PLK4: variants seen among roughly 807,000 people sequenced by gnomAD.
The protein encoded by PLK4 is serine/threonine-protein kinase PLK4.
PLK4 carries 51 observed loss-of-function variants against 103.0 expected under a neutral mutation model. The observed-to-expected ratio is 0.50, with a 90% CI of 0.40 to 0.63. The LOEUF (loss-of-function observed/expected upper bound fraction) is 0.63, where lower values mean the gene tolerates loss of function less well. Among genes scored for constraint, PLK4 ranks in the 20% least tolerant of loss-of-function variants. The pLI, the probability that PLK4 is intolerant of heterozygous loss-of-function variation, is 0.00. For synonymous variants in PLK4, 389 were observed against 376.8 expected (o/e 1.03, Z -0.38); for missense variants, 1,054 against 1,151.0 (o/e 0.92, Z 1.22).
At position 127,885,830 on chromosome 4, in the gene PLK4, G is replaced by A; in HGVS notation, c.460G>A (p.Asp154Asn). 2 of 1,614,026 alleles carry A rather than the reference G, an allele frequency of 1.2e-6. No individual in the cohort carries two copies. Among genetic ancestry groups the A allele is most frequent in the Non-Finnish European group, 1.7e-6 (2 of 1,179,982 alleles). Residue 154 changes from aspartate (D) to asparagine (N), a missense_variant, in exon 5 of 16, where the codon GAT becomes AAT. Asp to Asn is a conservative substitution (Grantham distance 23, BLOSUM62 1). Around this residue, in one of 4 missense-constraint regions of PLK4, gnomAD observed 199 missense variants for 270.1 expected, o/e 0.74. Transcript: ENST00000270861. ...LTRNMNIKIA[D>N]FGLATQLKMP... ...TCGTAATATGAACATCAAGATTGCTGATTTTGGGCTGGCAACTCAACTGAA... is the reference window on the plus strand; with the variant it reads ...TCGTAATATGAACATCAAGATTGCTAATTTTGGGCTGGCAACTCAACTGAA...
In PLK4 at chr4:127,885,694, T is replaced by A. The variant is rs1368306536; in HGVS notation, c.338-14T>A. 1 of 1,573,926 alleles carries A rather than the reference T, an allele frequency of 6.4e-7. No individual in the cohort carries two copies. The highest frequency in any genetic ancestry group is 2.2e-5 in the East Asian group (1 of 44,610). On this transcript the variant is annotated splice_polypyrimidine_tract_variant and intron_variant, in intron 4 of 15. Coordinates refer to ENST00000270861, the MANE Select transcript of PLK4 (RefSeq NM_014264.5). ...TTTCTAAATTGTAAATTCTCTTTTT[T>A]AAAATCCTAACAGCTCGACACTTCA...
In PLK4 at chr4:127,883,322, A is replaced by T. The variant is rs1735000211; in HGVS notation, c.187A>T (p.Ile63Leu). 1 of 1,603,490 alleles carries T rather than the reference A, an allele frequency of 6.2e-7. No individual in the cohort carries two copies. The highest frequency in any genetic ancestry group is 8.5e-7 in the Non-Finnish European group (1 of 1,170,512). ...MVQRVQNEVK[I>L]HCQLKHPSIL... ...ACAGAGAGTCCAAAATGAGGTGAAAATACATTGCCAATTGAAACATCCTTC... is the reference window on the plus strand; with the variant it reads ...ACAGAGAGTCCAAAATGAGGTGAAATTACATTGCCAATTGAAACATCCTTC... The change falls in exon 3 of 16, where the codon ATA becomes TTA. Residue 63 changes from isoleucine to leucine, a missense_variant. Ile to Leu is a conservative substitution (Grantham distance 5). This residue lies in a region of PLK4 where 199 missense variants were observed against 270.1 expected (regional missense o/e 0.74). Transcript: ENST00000270861.
At chr4:127,891,830 G>C in intron 9 of PLK4, 149 bp downstream of exon 9, 1 of 388,044 alleles carries the variant, frequency 2.6e-6, no homozygotes, top group Admixed American at 4.3e-5. Flanking sequence ...GGTGAGAGTT[G>C]TATGCCTTTA....
At position 127,889,928 on chromosome 4, in the gene PLK4, C is replaced by T. The variant is rs369019607; in HGVS notation, c.1522C>T (p.Pro508Ser). 10 of 1,613,548 alleles carry T rather than the reference C, an allele frequency of 6.2e-6. No homozygotes were observed. Among genetic ancestry groups the T allele is most frequent in the Admixed American group, 5.0e-5 (3 of 59,956 alleles). ...ISPNRDFQGH[P>S]DLQKDTSKNA... ...CCCAAACCGGGACTTCCAGGGCCAT[C>T]CAGATTTGCAGAAGGACACATCAAA... is the stretch of plus-strand genomic sequence containing the variant. The change falls in exon 7 of 16, where the codon CCA becomes TCA. Residue 508 changes from proline (P) to serine (S), a missense_variant. By Grantham distance (74) the Pro-to-Ser change is moderately conservative. Transcript: ENST00000270861.
intron 7 of PLK4, 134 bp from the exon 8 acceptor site, chr4:127,890,958 G>A (rs1227511075): frequency 5.6e-6 from 3 of 534,204 alleles, no homozygotes. Flanking sequence ...CTGGACTGTT[G>A]TAGTGAAGCA....
rs755229257 is a variant in PLK4 at position 127,885,934 on chromosome 4, T to C, written c.564T>C (p.His188=). Residue 188 remains histidine, a synonymous_variant, in exon 5 of 16, where the codon CAT becomes CAC. Coordinates refer to ENST00000270861, the MANE Select transcript of PLK4 (RefSeq NM_014264.5). ...CAGAAATTGCCACTCGAAGTGCACA[T>C]GGCCTTGAATCTGATGTTTGGTCCC... The part of the protein sequence containing the change: ...ISPEIATRSA[H]GLESDVWSLG... The C allele has an allele frequency of 1.5e-5, 25 of 1,614,214 alleles. No homozygotes were observed. Among genetic ancestry groups the C allele is most frequent in the Admixed American group, 3.3e-5 (2 of 60,028 alleles).
intron 7 of PLK4, among the ~76,000 whole-genome samples, chr4:127,890,579 A>G (rs904183767): frequency 2.0e-5 from 3 of 152,100 alleles, no homozygotes; most frequent in Admixed American, 6.6e-5. Flanking sequence ...CTTTGCTTCT[A>G]TTTTTATTGT....
In PLK4 at chr4:127,891,075, GTTT is replaced by G. The variant is rs75010725; in HGVS notation, c.1831-5_1831-3del. 3.8e-4 allele frequency: 432 copies of G among 1,144,198 alleles called. No homozygotes were observed. The highest frequency in any genetic ancestry group is 6.7e-4 in the South Asian group (44 of 65,674). 70.9% of individuals were successfully genotyped at this position (1,144,198 alleles called of 1,614,324 possible). The stretch of plus-strand genomic sequence containing the variant: ...ACAAAAGAATTATTACTGATTTTGG[GTTT>G]TTTTTTTTTTTAGGTGAGCATACTT... On this transcript the variant is annotated splice_polypyrimidine_tract_variant and intron_variant, in intron 7 of 15. Transcript: ENST00000270861.
intron 4 of PLK4, among the ~76,000 whole-genome samples, chr4:127,884,677 G>A (rs371344858): frequency 4.8e-4 from 73 of 152,266 alleles, no homozygotes; most frequent in Middle Eastern, 3.4e-3. Context: ...GGTGGCTCAT[G>A]CCTGTCATCC....
Position 127,893,537 on chromosome 4 carries a change from G to C in PLK4, c.2347G>C (p.Glu783Gln), listed in dbSNP as rs369079869. 6.2e-7 allele frequency: 1 copy of C among 1,612,750 alleles called. No individual in the cohort carries two copies. ...NEGHRICLAL[E>Q]SIISEEERKT... Reference sequence around the variant, plus strand: ...GGGTCATCGTATTTGTTTAGCACTGGAATCCATAATTTCAGAAGAGGAAAG... The same window carrying C: ...GGGTCATCGTATTTGTTTAGCACTGCAATCCATAATTTCAGAAGAGGAAAG... The change falls in exon 12 of 16, where the codon GAA becomes CAA. Residue 783 changes from glutamate (E) to glutamine (Q), a missense_variant. Physicochemically the swap from Glu to Gln is conservative, Grantham distance 29 (BLOSUM62 2). Coordinates refer to ENST00000270861, the MANE Select transcript of PLK4 (RefSeq NM_014264.5).
Position 127,899,008 on chromosome 4 carries a change from C to T in PLK4, c.*467C>T, listed in dbSNP as rs1002588416. On this transcript the variant is annotated 3_prime_UTR_variant, in exon 16 of 16. Transcript: ENST00000270861. ...TTGTTTTATATTTATTTTTGTAACA[C>T]CAGTGTCTGATGAAACATTTTTGCA... 6.6e-6 allele frequency: 1 copy of T among 152,292 alleles called. No individual in the cohort carries two copies. Among genetic ancestry groups the T allele is most frequent in the African/African-American group, 2.4e-5 (1 of 41,350 alleles). The allele number at this position is 152,292 out of a possible 1,614,324, so 9.4% of individuals were successfully genotyped here.
At chr4:127,882,845 G>C (rs1315527073) in intron 2 of PLK4, among the ~76,000 whole-genome samples, 1 of 152,066 alleles carries the variant, frequency 6.6e-6, no homozygotes, top group East Asian at 1.9e-4. Context: ...GATTGTGCCT[G>C]GGAGGTTGAG....
At position 127,895,452 on chromosome 4, in the gene PLK4, C is replaced by CTTTT. The variant is rs70966059; in HGVS notation, c.2703+384_2703+387dup. On this transcript the variant is annotated intron_variant, in intron 14 of 15. Coordinates refer to ENST00000270861, the MANE Select transcript of PLK4 (RefSeq NM_014264.5). ...TAATCAATATTAGTAGAGTAACTTTCTTTTTTTTTTTTTTTTTTTTTTTTT... is the reference window on the plus strand; with the variant it reads ...TAATCAATATTAGTAGAGTAACTTTCTTTTTTTTTTTTTTTTTTTTTTTTTTTTT... Among the ~76,000 whole-genome samples the CTTTT allele has an allele frequency of 1.2e-3, 78 of 65,200 alleles. 7 individuals carry two copies. The highest frequency in any genetic ancestry group is 3.1e-3 in the African/African-American group (46 of 15,076). The allele number at this position is 65,200 out of a possible 152,430, so 42.8% of individuals were successfully genotyped here.
chr4:127,883,527 G>A lies in PLK4; in HGVS notation c.311G>A (p.Arg104Lys), dbSNP rs755668607. The A allele has an allele frequency of 2.6e-6, 4 of 1,516,004 alleles. No homozygotes were observed. The highest frequency in any genetic ancestry group is 1.1e-5 in the South Asian group (1 of 87,822). 93.9% of individuals were successfully genotyped at this position (1,516,004 alleles called of 1,614,324 possible). Reference protein sequence around the residue: ...NGEMNRYLKNRVKPFSENEAR... With the variant: ...NGEMNRYLKNKVKPFSENEAR... ...GAAATGAACAGGTATCTAAAGAATA[G>A]AGTGAAACCCTTCTCAGAAAATGAA... Residue 104 changes from arginine to lysine, a missense_variant, in exon 4 of 16, where the codon AGA becomes AAA. Around this residue, in one of 4 missense-constraint regions of PLK4, gnomAD observed 199 missense variants for 270.1 expected, o/e 0.74. Coordinates refer to ENST00000270861, the MANE Select transcript of PLK4 (RefSeq NM_014264.5).
chr4:127,881,300 G>T (rs964902700), intron 1 of PLK4, 136 bp downstream of exon 1: 2 of 1,536,230 alleles, frequency 1.3e-6, no homozygotes, highest in Non-Finnish European at 8.8e-7. Flanking sequence ...GGTCCCAACG[G>T]CCCAGACCCC....
In PLK4 at chr4:127,893,293, A is replaced by G. The variant is rs1735433808; in HGVS notation, c.2197A>G (p.Ile733Val). The G allele has an allele frequency of 6.4e-7, 1 of 1,568,284 alleles. No homozygotes were observed. The highest frequency in any genetic ancestry group is 8.6e-7 in the Non-Finnish European group (1 of 1,157,336). Residue 733 changes from isoleucine (I) to valine (V), a missense_variant, in exon 11 of 16, where the codon ATA becomes GTA. Around this residue, in one of 4 missense-constraint regions of PLK4, gnomAD observed 680 missense variants for 660.3 expected, o/e 1.03. Coordinates refer to ENST00000270861, the MANE Select transcript of PLK4 (RefSeq NM_014264.5). Reference protein sequence around the residue: ...FEVWFYDGVKIHKTEDFIQVI... With the variant: ...FEVWFYDGVKVHKTEDFIQVI... ...TGATTTTTTTTTTTTAGGGGTAAAA[A>G]TACACAAAACAGAAGATTTCATTCA...
chr4:127,887,861 G>C (rs1218134262), intron 6 of PLK4, among the ~76,000 whole-genome samples: 1 of 130,120 alleles, frequency 7.7e-6, no homozygotes, highest in African/African-American at 2.9e-5. Flanking sequence ...GACAGAGAGA[G>C]AGACCCTGTC....
At position 127,893,382 on chromosome 4, in the gene PLK4, AGAG is replaced by A. The variant is rs1294565471; in HGVS notation, c.2290_2292del (p.Glu764del). On this transcript the variant is annotated inframe_deletion, in exon 11 of 16. Coordinates refer to ENST00000270861, the MANE Select transcript of PLK4 (RefSeq NM_014264.5). ...GTGAAAGTGAAGTTAATAGCTTGAAAGAGGAGATAAAAATGTATATGGACCATG... is the reference window on the plus strand; with the variant it reads ...GTGAAAGTGAAGTTAATAGCTTGAAAGAGATAAAAATGTATATGGACCATG... 6.2e-7 allele frequency: 1 copy of A among 1,609,066 alleles called. No individual in the cohort carries two copies. Among genetic ancestry groups the A allele is most frequent in the Admixed American group, 1.7e-5 (1 of 59,654 alleles).
intron 13 of PLK4, 55 bp from the exon 14 acceptor site, chr4:127,894,898 T>G (rs535543698): frequency 2.1e-4 from 247 of 1,198,124 alleles, no homozygotes; most frequent in Middle Eastern, 6.2e-4. Context: ...TTTTGCTGAA[T>G]GTGGCTTATA....
Sources: allele counts gnomAD v4.1 joint callset (sites outside exome capture counted in the v4.1 genomes callset), GRCh38; gene constraint gnomAD v4.1.1; regional missense constraint gnomAD v4.1.1; transcripts MANE v1.5; gene names NCBI Gene and HGNC (gene_info 2026-07-23, HGNC 2026-07-21).